The following DENND1A variants were observed in gnomAD, a reference collection of about 807,000 sequenced individuals.
DENND1A encodes the protein DENN domain containing 1A.
A neutral mutation model predicts 113.7 loss-of-function variants in DENND1A; 51 were observed. That is an observed-to-expected ratio of 0.45 (90% CI 0.36 to 0.57). The LOEUF is 0.57. DENND1A is among the 20% of genes least tolerant of loss of function. DENND1A has a pLI of 0.00. For synonymous variants in DENND1A, 565 were observed against 570.8 expected, an observed-to-expected ratio of 0.99 and a Z score of 0.14; for missense variants, 1,258 against 1,395.9, an observed-to-expected ratio of 0.90 and a Z score of 1.57.
chr9:123,428,967 A>G (rs1405701007), intron 19 of DENND1A, among the ~76,000 whole-genome samples: 2 of 152,218 alleles, frequency 1.3e-5, no homozygotes, highest in East Asian at 3.8e-4. Context: ...CATACTACCC[A>G]AAGTACTTTA....
At chr9:123,641,587 G>A (rs4836939) in intron 9 of DENND1A, among the ~76,000 whole-genome samples, 65,614 of 151,928 alleles carry the variant, frequency 0.43, 14,982 homozygotes, top group African/African-American at 0.58. Context: ...CAAGGCCCCA[G>A]TCAAAGCTCT....
At chr9:123,389,759 G>A (rs1354765055) in intron 21 of DENND1A, among the ~76,000 whole-genome samples, 1 of 152,356 alleles carries the variant, frequency 6.6e-6, no homozygotes, top group Non-Finnish European at 1.5e-5. Flanking sequence ...TTCAAAGTGA[G>A]GGGGAGCCCA....
chr9:123,905,066 GA>G (rs879567577), intron 1 of DENND1A, among the ~76,000 whole-genome samples: 8 of 151,920 alleles, frequency 5.3e-5, no homozygotes, highest in Non-Finnish European at 1.0e-4. Context: ...CATTCTTAAA[GA>G]AAAGAATTTT....
intron 13 of DENND1A, among the ~76,000 whole-genome samples, chr9:123,479,918 A>AGCTTT (rs2050203349): frequency 1.3e-5 from 2 of 152,204 alleles, no homozygotes; most frequent in Admixed American, 6.5e-5. Context: ...CTCAGAAAAG[A>AGCTTT]GCTTTCATTT....
At chr9:123,531,616 ATG>A (rs766171522) in intron 13 of DENND1A, among the ~76,000 whole-genome samples, 8 of 150,574 alleles carry the variant, frequency 5.3e-5, no homozygotes, top group Non-Finnish European at 1.0e-4. Flanking sequence ...AGGCAATTAT[ATG>A]TGTTTTACAT....
chr9:123,399,783 G>A (rs1189549392), intron 21 of DENND1A, among the ~76,000 whole-genome samples: 1 of 152,206 alleles, frequency 6.6e-6, no homozygotes, highest in East Asian at 1.9e-4. Flanking sequence ...GAAGGGCCCC[G>A]TTCCAAGGAC....
At chr9:123,635,121 C>T (rs781303829) in intron 9 of DENND1A, among the ~76,000 whole-genome samples, 1 of 152,078 alleles carries the variant, frequency 6.6e-6, no homozygotes, top group African/African-American at 2.4e-5. Context: ...GAGATAAAGC[C>T]CAGATTGTCA....
intron 3 of DENND1A, among the ~76,000 whole-genome samples, chr9:123,791,535 C>T (rs899769410): frequency 6.6e-6 from 1 of 152,124 alleles, no homozygotes. Context: ...CATTACAAAG[C>T]ATCTCATTAT....
At chr9:123,489,402 A>G (rs1208797644) in intron 13 of DENND1A, among the ~76,000 whole-genome samples, 2 of 152,352 alleles carry the variant, frequency 1.3e-5, no homozygotes, top group African/African-American at 2.4e-5. Flanking sequence ...CACTAGCTGC[A>G]GGAAGCCTCA....
intron 13 of DENND1A, among the ~76,000 whole-genome samples, chr9:123,502,786 A>G (rs560685962): frequency 2.6e-4 from 40 of 152,294 alleles, no homozygotes; most frequent in Middle Eastern, 3.4e-3. Flanking sequence ...CTTTTGCCCA[A>G]TGTTTTCTTC....
At chr9:123,911,428 C>T (rs549401757) in intron 1 of DENND1A, among the ~76,000 whole-genome samples, 12 of 152,298 alleles carry the variant, frequency 7.9e-5, no homozygotes, top group African/African-American at 2.4e-4. Flanking sequence ...ATAAACCTAA[C>T]AGAAAGGAAC....
chr9:123,898,971 C>T lies in DENND1A; in HGVS notation c.18-19950G>A, dbSNP rs555039397. ...ACAACCCACCATTAAACCAAATCAC[C>T]CTTTCTGAATTTCCACTTCCACTGA... On this transcript the variant is annotated intron_variant, in intron 1 of 23. Coordinates refer to ENST00000394215, the MANE Select transcript of DENND1A (RefSeq NM_001352964.2). Among the ~76,000 whole-genome samples, 27 of 152,292 alleles carry T rather than the reference C, an allele frequency of 1.8e-4. 1 individual carries two copies. The South Asian group carries it at 2.9e-3, about 16-fold the overall frequency.
chr9:123,734,854 T>TA (rs34058661), intron 5 of DENND1A, among the ~76,000 whole-genome samples: 1 of 152,110 alleles, frequency 6.6e-6, no homozygotes, highest in Non-Finnish European at 1.5e-5. Flanking sequence ...TTTTATTTTT[T>TA]AAAAAAAGCC....
intron 13 of DENND1A, among the ~76,000 whole-genome samples, chr9:123,553,270 C>A (rs1244024192): frequency 6.6e-6 from 1 of 151,818 alleles, no homozygotes; most frequent in Non-Finnish European, 1.5e-5. Flanking sequence ...AATAATAATA[C>A]AATAGTAAAA....
chr9:123,440,397 C>G lies in DENND1A; in HGVS notation c.1451G>C (p.Arg484Pro). The G allele has an allele frequency of 6.2e-7, 1 of 1,600,606 alleles. No homozygotes were observed. Among genetic ancestry groups the G allele is most frequent in the Non-Finnish European group, 8.5e-7 (1 of 1,174,700 alleles). ...GACTGTGATTGGCCGCCGGTCTTCT[C>G]GGAGCTTGGGGTCCTTGGCCTCCAC... ...PLVEAKDPKL[R>P]EDRRPITVHF... Residue 484 changes from arginine (R) to proline (P), a missense_variant, in exon 19 of 24, where the codon CGA (arginine) becomes CCA (proline). Physicochemically the swap from Arg to Pro is moderately radical, Grantham distance 103. Transcript: ENST00000394215.
chr9:123,410,978 C>T (rs964497558), intron 20 of DENND1A, among the ~76,000 whole-genome samples: 3 of 152,280 alleles, frequency 2.0e-5, no homozygotes, highest in East Asian at 1.9e-4. Context: ...ATGCTTAACA[C>T]GGGACCCAGA....
intron 5 of DENND1A, among the ~76,000 whole-genome samples, chr9:123,717,507 C>T (rs2067055777): frequency 6.6e-6 from 1 of 152,088 alleles, no homozygotes; most frequent in Non-Finnish European, 1.5e-5. Flanking sequence ...TTGTCTGATG[C>T]CAAAACCTAA....
At chr9:123,387,191 G>A (rs2042610715) in intron 22 of DENND1A, among the ~76,000 whole-genome samples, 1 of 152,212 alleles carries the variant, frequency 6.6e-6, no homozygotes, top group Non-Finnish European at 1.5e-5. Flanking sequence ...GATGGTGGGT[G>A]AAACTTTTAA....
intron 4 of DENND1A, among the ~76,000 whole-genome samples, chr9:123,758,450 T>C (rs575064232): frequency 1.3e-5 from 2 of 152,278 alleles, no homozygotes; most frequent in South Asian, 4.1e-4. Context: ...CCAGAATACA[T>C]CCTTAGTAAC....
Sources: gnomAD v4.1 joint callset for allele counts (sites outside exome capture counted in the v4.1 genomes callset) on GRCh38, gnomAD v4.1.1 for gene constraint, MANE v1.5 for transcripts, NCBI Gene and HGNC (gene_info 2026-07-23, HGNC 2026-07-21) for gene names.